The following SLC14A2 variants were observed in gnomAD, a reference collection of about 807,000 sequenced individuals.
SLC14A2 encodes the protein urea transporter 2.
Under a neutral mutation model 104.6 loss-of-function variants are expected in SLC14A2, and 91 were observed. The ratio of observed to expected loss-of-function variants is 0.87; its 90% confidence interval spans 0.73 to 1.04. The LOEUF is 1.04. SLC14A2 is among the 50% of genes least tolerant of loss of function. The pLI is 0.00. For synonymous variants in SLC14A2, 476 were observed against 466.4 expected (o/e 1.02, Z -0.27); for missense variants, 1,189 against 1,156.0 (o/e 1.03, Z -0.41).
At chr18:45,659,204 G>A (rs1213348710) in intron 10 of SLC14A2, among the ~76,000 whole-genome samples, 1 of 152,234 alleles carries the variant, frequency 6.6e-6, no homozygotes, top group Non-Finnish European at 1.5e-5. Flanking sequence ...GCAGCCAGGT[G>A]CTGTAGCAGA....
intron 10 of SLC14A2, 140 bp from the exon 11 acceptor site, chr18:45,663,645 T>C: frequency 1.2e-6 from 1 of 852,170 alleles, no homozygotes; most frequent in Non-Finnish European, 1.8e-6. Flanking sequence ...ATGCAGAGAC[T>C]GATGCAATGA....
chr18:45,392,127 C>T (rs1001315360), intron 1 of SLC14A2, among the ~76,000 whole-genome samples: 1 of 152,212 alleles, frequency 6.6e-6, no homozygotes, highest in Non-Finnish European at 1.5e-5. Context: ...ATCAGCACTT[C>T]AGAATCCTCA....
At chr18:45,312,692 C>G (rs1166275189) in intron 1 of SLC14A2, among the ~76,000 whole-genome samples, 1 of 152,204 alleles carries the variant, frequency 6.6e-6, no homozygotes, top group Admixed American at 6.5e-5. Flanking sequence ...GGGCTAATTG[C>G]TCGTCTGGTT....
chr18:45,509,137 G>A (rs1206996942), intron 2 of SLC14A2, among the ~76,000 whole-genome samples: 1 of 152,102 alleles, frequency 6.6e-6, no homozygotes, highest in Non-Finnish European at 1.5e-5. Context: ...GACTCTATGT[G>A]TCCCTTCATG....
intron 1 of SLC14A2, among the ~76,000 whole-genome samples, chr18:45,241,639 CTTTTTTTT>C (rs370878349): frequency 2.9e-4 from 34 of 118,028 alleles, no homozygotes; most frequent in African/African-American, 8.0e-4. Context: ...TTTCTTTTCT[CTTTTTTTT>C]TTTTTTTTTT....
At chr18:45,336,196 C>A (rs2144271042) in intron 1 of SLC14A2, among the ~76,000 whole-genome samples, 1 of 152,206 alleles carries the variant, frequency 6.6e-6, no homozygotes, top group Admixed American at 6.5e-5. Context: ...ACCTGGACAC[C>A]CACTTTCTTG....
At chr18:45,357,823 A>T (rs540508392) in intron 1 of SLC14A2, among the ~76,000 whole-genome samples, 26 of 152,306 alleles carry the variant, frequency 1.7e-4, no homozygotes, top group Non-Finnish European at 2.6e-4. Context: ...TCCCTGCCAC[A>T]TCTTAGGAGA....
chr18:45,426,006 T>A (rs564564167), intron 1 of SLC14A2, among the ~76,000 whole-genome samples: 3 of 152,252 alleles, frequency 2.0e-5, no homozygotes, highest in African/African-American at 7.2e-5. Context: ...CACAACTCTC[T>A]TACATCCTTT....
At chr18:45,618,771 C>T (rs1344146075) in intron 1 of SLC14A2, among the ~76,000 whole-genome samples, 1 of 147,934 alleles carries the variant, frequency 6.8e-6, no homozygotes, top group East Asian at 2.1e-4. Context: ...GCCCAAGAGA[C>T]TAGGGATAGG....
chr18:45,482,862 C>T (rs2087522555), intron 1 of SLC14A2, among the ~76,000 whole-genome samples: 1 of 152,114 alleles, frequency 6.6e-6, no homozygotes, highest in Non-Finnish European at 1.5e-5. Flanking sequence ...AGAATGTGTC[C>T]ACCACAGAGT....
chr18:45,174,112 C>G, the SLC14A2 span, among the ~76,000 whole-genome samples: 3 of 152,058 alleles, frequency 2.0e-5, no homozygotes, highest in Non-Finnish European at 2.9e-5. Context: ...CAGGGCAGCC[C>G]CTGACCTGGG....
intron 18 of SLC14A2, 21 bp from the exon 19 acceptor site, chr18:45,678,954 C>CTTTTTTTTTT: frequency 1.4e-5 from 20 of 1,435,922 alleles, no homozygotes; most frequent in Admixed American, 4.3e-5. Flanking sequence ...CTATTTCTTT[C>CTTTTTTTTTT]TTTTTTTTTT....
chr18:45,393,390 C>T (rs908508560), intron 1 of SLC14A2, among the ~76,000 whole-genome samples: 7 of 152,168 alleles, frequency 4.6e-5, no homozygotes, highest in African/African-American at 7.2e-5. Flanking sequence ...TTGATCAAAG[C>T]CTTGTCCTCT....
chr18:45,452,007 A>G (rs1449218854), intron 1 of SLC14A2, among the ~76,000 whole-genome samples: 3 of 151,900 alleles, frequency 2.0e-5, no homozygotes, highest in Non-Finnish European at 4.4e-5. Flanking sequence ...ATCAAGACAA[A>G]TCATCTTTCA....
At chr18:45,255,023 G>A (rs1248394296) in intron 1 of SLC14A2, among the ~76,000 whole-genome samples, 1 of 152,098 alleles carries the variant, frequency 6.6e-6, no homozygotes, top group African/African-American at 2.4e-5. Flanking sequence ...CAGCACACTT[G>A]CTCCCCTACC....
chr18:45,478,486 G>C (rs1427299941), intron 1 of SLC14A2, among the ~76,000 whole-genome samples: 1 of 152,220 alleles, frequency 6.6e-6, no homozygotes, highest in South Asian at 2.1e-4. Context: ...CCTTTAGCTT[G>C]ATGGTAACAC....
the SLC14A2 span, among the ~76,000 whole-genome samples, chr18:45,204,810 TAAAA>T: frequency 7.2e-6 from 1 of 138,194 alleles, no homozygotes; most frequent in Non-Finnish European, 1.6e-5. Flanking sequence ...ATCACTGAGA[TAAAA>T]AAAAAAAAAA....
intron 2 of SLC14A2, among the ~76,000 whole-genome samples, chr18:45,555,322 C>T (rs2044116747): frequency 1.3e-5 from 2 of 152,168 alleles, no homozygotes; most frequent in Non-Finnish European, 2.9e-5. Context: ...CCTGACTTAA[C>T]AATGGTTTGA....
At chr18:45,233,512 G>A (rs1208662772) in intron 1 of SLC14A2, among the ~76,000 whole-genome samples, 2 of 152,116 alleles carry the variant, frequency 1.3e-5, no homozygotes, top group Non-Finnish European at 2.9e-5. Flanking sequence ...CCTATTTCAT[G>A]GTCTTGCCCG....
Sources: gnomAD v4.1 joint callset for allele counts (sites outside exome capture counted in the v4.1 genomes callset) on GRCh38, gnomAD v4.1.1 for gene constraint, MANE v1.5 for transcripts, NCBI Gene and HGNC (gene_info 2026-07-23, HGNC 2026-07-21) for gene names.